SLC39A12: variants seen among roughly 807,000 people sequenced by gnomAD.
SLC39A12 encodes the protein solute carrier family 39 member 12, also known as zinc transporter ZIP12.
Under a neutral mutation model 71.1 loss-of-function variants are expected in SLC39A12, and 63 were observed. The ratio of observed to expected loss-of-function variants is 0.89; its 90% CI spans 0.72 to 1.09. The LOEUF (loss-of-function observed/expected upper bound fraction) is 1.09, where lower values mean the gene tolerates loss of function less well. Among genes scored for constraint, SLC39A12 ranks in the 50% least tolerant of loss-of-function variants. SLC39A12 has a pLI of 0.00. For missense variants in SLC39A12, 892 were observed against 812.6 expected (o/e 1.10, Z -1.19); for synonymous variants, 351 against 301.3 (o/e 1.16, Z -1.71).
chr10:18,002,506 G>T (rs1018642797), intron 11 of SLC39A12: 2 of 152,256 alleles, frequency 1.3e-5, no homozygotes, highest in Admixed American at 6.6e-5. Context: ...CCCCGTTCAT[G>T]GGAACAATTA....
intron 12 of SLC39A12, among the ~76,000 whole-genome samples, chr10:18,014,096 A>C (rs1836311797): frequency 6.6e-6 from 1 of 152,084 alleles, no homozygotes; most frequent in Non-Finnish European, 1.5e-5. Context: ...CATGAACGTG[A>C]GATGTCTTTC....
intron 7 of SLC39A12, among the ~76,000 whole-genome samples, chr10:17,990,863 G>A (rs1234149875): frequency 6.6e-6 from 1 of 152,158 alleles, no homozygotes; most frequent in Admixed American, 6.5e-5. Flanking sequence ...TAGGGCACTT[G>A]CAGAAATAAA....
chr10:18,041,737 GTA>G (rs1564668392), intron 12 of SLC39A12, among the ~76,000 whole-genome samples: 6 of 108,648 alleles, frequency 5.5e-5, no homozygotes, highest in South Asian at 2.7e-4. Flanking sequence ...GTGTATATAT[GTA>G]TATACATGTA....
At chr10:17,971,634 T>C (rs11522463) in intron 4 of SLC39A12, among the ~76,000 whole-genome samples, 145 of 152,286 alleles carry the variant, frequency 9.5e-4, no homozygotes, top group Middle Eastern at 3.4e-3. Context: ...TGGTTACTCA[T>C]AGTAGCCATT....
intron 12 of SLC39A12, chr10:18,005,487 C>G (rs1835987449): frequency 6.6e-6 from 1 of 152,246 alleles, no homozygotes; most frequent in Non-Finnish European, 1.5e-5. Context: ...TCTAATTTCT[C>G]TTTATGGGTC....
chr10:17,989,651 G>C (rs954515941), intron 7 of SLC39A12, among the ~76,000 whole-genome samples: 1 of 152,170 alleles, frequency 6.6e-6, no homozygotes, highest in Non-Finnish European at 1.5e-5. Flanking sequence ...GGGTGCAGTG[G>C]TTCACGCCTG....
intron 12 of SLC39A12, among the ~76,000 whole-genome samples, chr10:18,004,786 G>T (rs1165421212): frequency 6.6e-6 from 1 of 152,058 alleles, no homozygotes; most frequent in East Asian, 1.9e-4. Flanking sequence ...AAAGATACAT[G>T]CAGCACTATA....
intron 12 of SLC39A12, among the ~76,000 whole-genome samples, chr10:18,016,246 T>C (rs1272919365): frequency 2.0e-5 from 3 of 152,208 alleles, no homozygotes; most frequent in African/African-American, 7.2e-5. Flanking sequence ...TTTACTGTCT[T>C]CATGGTTTTG....
At chr10:17,972,648 TG>T (rs1374236319) in intron 4 of SLC39A12, among the ~76,000 whole-genome samples, 1 of 152,144 alleles carries the variant, frequency 6.6e-6, no homozygotes, top group Admixed American at 6.5e-5. Flanking sequence ...ATAAGGATAG[TG>T]ACTCCTGCTT....
intron 4 of SLC39A12, among the ~76,000 whole-genome samples, chr10:17,972,725 A>G (rs553100951): frequency 1.3e-5 from 2 of 151,180 alleles, no homozygotes; most frequent in South Asian, 2.1e-4. Context: ...CTATGTGTGT[A>G]TTTATAGGTG....
intron 12 of SLC39A12, among the ~76,000 whole-genome samples, chr10:18,004,846 C>T (rs140685577): frequency 3.0e-4 from 46 of 152,042 alleles, no homozygotes; most frequent in African/African-American, 9.2e-4. Flanking sequence ...AGTGACAGAC[C>T]GGGTAAAGAA....
chr10:18,026,082 T>C (rs1173724862), intron 12 of SLC39A12, among the ~76,000 whole-genome samples: 1 of 152,232 alleles, frequency 6.6e-6, no homozygotes, highest in Non-Finnish European at 1.5e-5. Context: ...AACTGTAACC[T>C]GTTAGATCAA....
Position 17,962,788 on chromosome 10 carries a change from T to A in SLC39A12, c.543+926T>A, listed in dbSNP as rs536187604. Among the ~76,000 whole-genome samples the A allele has an allele frequency of 2.8e-3, 421 of 152,316 alleles. 1 individual carries two copies. The highest frequency in any genetic ancestry group is 4.3e-3 in the Non-Finnish European group (294 of 68,026). ...AGCTGTTTGCTAAGGACTTTGTGAC[T>A]TTCACATCTGTAGCTCTAATCCTGT... On this transcript the variant is annotated intron_variant, in intron 3 of 12. Transcript: ENST00000377369.
At chr10:18,040,886 C>G (rs932360735) in intron 12 of SLC39A12, among the ~76,000 whole-genome samples, 4 of 151,624 alleles carry the variant, frequency 2.6e-5, no homozygotes, top group Non-Finnish European at 5.9e-5. Flanking sequence ...TGATTTTTAT[C>G]CCCCAGAGAA....
intron 2 of SLC39A12, among the ~76,000 whole-genome samples, chr10:17,957,583 GGGGT>G (rs1834582410): frequency 6.6e-6 from 1 of 152,060 alleles, no homozygotes; most frequent in African/African-American, 2.4e-5. Context: ...TGATGCCTGT[GGGGT>G]GGCAGTATTT....
In SLC39A12 at chr10:17,973,647, T is replaced by G. The variant is rs766225521; in HGVS notation, c.752-4255T>G. Among the ~76,000 whole-genome samples, 6 of 152,160 alleles carry G rather than the reference T, an allele frequency of 3.9e-5. No individual in the cohort carries two copies. The East Asian group carries it at 7.7e-4, about 20-fold the overall frequency. On this transcript the variant is annotated intron_variant, in intron 4 of 12. Transcript: ENST00000377369. ...TGTATATTTGTTCCTTTTCTCCTCC[T>G]GCTTTTAGGATCCTTTCTTTATCTT...
At chr10:18,041,635 A>T (rs1220994195) in intron 12 of SLC39A12, among the ~76,000 whole-genome samples, 1 of 97,626 alleles carries the variant, frequency 1.0e-5, no homozygotes, top group Non-Finnish European at 2.1e-5. Context: ...ATATATGTGT[A>T]TATATATGTA....
In SLC39A12 at chr10:17,991,208, G is replaced by T; in HGVS notation, c.1327G>T (p.Gly443Cys). Reference sequence around the variant, plus strand: ...ATTTGGGCATTTCCATGAAAGCAAAGGTCATATTTGGAAACTGATGGGATT... The same window carrying T: ...ATTTGGGCATTTCCATGAAAGCAAATGTCATATTTGGAAACTGATGGGATT... ...PEFGHFHESKGHIWKLMGLIG... is the reference protein window; with the variant it reads ...PEFGHFHESKCHIWKLMGLIG... The change falls in exon 8 of 13, where the codon GGT becomes TGT. Residue 443 changes from glycine to cysteine, a missense_variant. Transcript: ENST00000377369. The T allele has an allele frequency of 1.3e-6, 2 of 1,594,918 alleles. No homozygotes were observed. Among genetic ancestry groups the T allele is most frequent in the Middle Eastern group, 1.7e-4 (1 of 6,002 alleles).
At chr10:17,991,006 T>C in intron 7 of SLC39A12, 145 bp from the exon 8 acceptor site, 4 of 757,758 alleles carry the variant, frequency 5.3e-6, no homozygotes, top group Non-Finnish European at 7.7e-6. Context: ...AACTGGACTT[T>C]TAGTGATTGT....
Sources: allele counts gnomAD v4.1 joint callset (sites outside exome capture counted in the v4.1 genomes callset), GRCh38; gene constraint gnomAD v4.1.1; transcripts MANE v1.5; gene names NCBI Gene and HGNC (gene_info 2026-07-23, HGNC 2026-07-21).